Variants in TUSC3 observed in about 807,000 individuals in gnomAD.
TUSC3 encodes dolichyl-diphosphooligosaccharide--protein glycosyltransferase subunit TUSC3.
Under a neutral mutation model 44.8 loss-of-function variants are expected in TUSC3, and 45 were observed. The observed-to-expected ratio is 1.00, with a 90% confidence interval of 0.79 to 1.29. TUSC3 has a LOEUF of 1.29. Among genes scored for constraint, TUSC3 ranks in the 50% most tolerant of loss-of-function variants. The pLI is 0.00. For synonymous variants in TUSC3, 212 were observed against 152.9 expected (o/e 1.39, Z -2.85); for missense variants, 519 against 437.9 (o/e 1.19, Z -1.65).
chr8:15,574,281 T>G (rs1175575340), intron 1 of TUSC3, among the ~76,000 whole-genome samples: 1 of 152,150 alleles, frequency 6.6e-6, no homozygotes, highest in African/African-American at 2.4e-5. Flanking sequence ...AGACTCCACC[T>G]TTTGCATTCT....
chr8:15,830,930 A>G, the TUSC3 span, among the ~76,000 whole-genome samples: 1 of 152,210 alleles, frequency 6.6e-6, no homozygotes, highest in African/African-American at 2.4e-5. Context: ...AAAAATTAAA[A>G]AGGAAGCCAA....
At chr8:15,836,260 G>C in the TUSC3 span, among the ~76,000 whole-genome samples, 2 of 151,664 alleles carry the variant, frequency 1.3e-5, no homozygotes, top group Non-Finnish European at 1.5e-5. Context: ...TGGAATGCTT[G>C]AGGTCAGGAG....
chr8:15,587,780 A>T (rs1014754353), intron 1 of TUSC3, among the ~76,000 whole-genome samples: 3 of 151,932 alleles, frequency 2.0e-5, no homozygotes, highest in South Asian at 2.1e-4. Context: ...ACTAGTATGA[A>T]CTCATTTTTT....
At chr8:15,647,841 G>A (rs183070801) in intron 2 of TUSC3, among the ~76,000 whole-genome samples, 12 of 151,982 alleles carry the variant, frequency 7.9e-5, no homozygotes, top group Admixed American at 2.0e-4. Context: ...TCTATTTGTC[G>A]GTATCTAGTG....
At chr8:15,492,401 A>G (rs2129125941) in intron 2 of TUSC3, among the ~76,000 whole-genome samples, 1 of 152,324 alleles carries the variant, frequency 6.6e-6, no homozygotes, top group East Asian at 1.9e-4. Context: ...TATGCAATAC[A>G]GGCTTGTCTG....
intron 1 of TUSC3, among the ~76,000 whole-genome samples, chr8:15,595,980 C>A (rs1563124880): frequency 6.6e-6 from 1 of 152,118 alleles, no homozygotes; most frequent in Non-Finnish European, 1.5e-5. Flanking sequence ...CATATTTCTT[C>A]AGGACTTCAG....
intron 2 of TUSC3, among the ~76,000 whole-genome samples, chr8:15,626,116 C>CCCTGTGT (rs1374822345): frequency 3.3e-5 from 5 of 152,118 alleles, no homozygotes; most frequent in African/African-American, 1.2e-4. Flanking sequence ...GCCCCCTGTG[C>CCCTGTGT]CCTGTGTCCC....
At chr8:15,651,329 T>C (rs565373735) in intron 3 of TUSC3, among the ~76,000 whole-genome samples, 3 of 152,352 alleles carry the variant, frequency 2.0e-5, no homozygotes, top group East Asian at 1.9e-4. Flanking sequence ...TGTTATTTTT[T>C]CCAATGTGGC....
intron 1 of TUSC3, among the ~76,000 whole-genome samples, chr8:15,588,795 A>G (rs74799643): frequency 0.029 from 4,430 of 152,150 alleles, 187 homozygotes; most frequent in African/African-American, 0.088. Flanking sequence ...TCCCCGCACT[A>G]TTTATTGAAG....
chr8:15,587,899 C>T (rs1324326403), intron 1 of TUSC3, among the ~76,000 whole-genome samples: 1 of 152,032 alleles, frequency 6.6e-6, no homozygotes, highest in Non-Finnish European at 1.5e-5. Flanking sequence ...GACAGGATTT[C>T]ATCTTTAATA....
chr8:15,780,620 A>AG, the TUSC3 span, among the ~76,000 whole-genome samples: 1 of 152,118 alleles, frequency 6.6e-6, no homozygotes, highest in African/African-American at 2.4e-5. Context: ...TGCATCAGAG[A>AG]GCTAATGTGG....
intron 1 of TUSC3, among the ~76,000 whole-genome samples, chr8:15,570,265 TACACACAC>T (rs3070896): frequency 0.012 from 1,816 of 148,158 alleles, 15 homozygotes; most frequent in Non-Finnish European, 0.018. Flanking sequence ...TAATGTATTT[TACACACAC>T]ACACACACAC....
At chr8:15,683,760 G>A (rs1163570076) in intron 6 of TUSC3, among the ~76,000 whole-genome samples, 5 of 152,082 alleles carry the variant, frequency 3.3e-5, no homozygotes, top group Non-Finnish European at 5.9e-5. Flanking sequence ...GAAGGAACTG[G>A]TGCTTCTTTT....
chr8:15,551,478 G>A (rs899738650), intron 1 of TUSC3, among the ~76,000 whole-genome samples: 4 of 151,626 alleles, frequency 2.6e-5, no homozygotes, highest in African/African-American at 9.7e-5. Context: ...TTCGTGGGGG[G>A]TAACAAAAAC....
chr8:15,647,377 G>C (rs1806679584), intron 2 of TUSC3, among the ~76,000 whole-genome samples: 1 of 152,044 alleles, frequency 6.6e-6, no homozygotes, highest in African/African-American at 2.4e-5. Context: ...TTTGAACCTT[G>C]TCTCTTATGT....
Position 15,558,396 on chromosome 8 carries a change from G to A in TUSC3, c.138+17828G>A, listed in dbSNP as rs1277442862. ...GGATAAGCTTTTTGATGTGCTGCTGGATTCGTTTTGCCAGTATTTTATTGA... is the reference window on the plus strand; with the variant it reads ...GGATAAGCTTTTTGATGTGCTGCTGAATTCGTTTTGCCAGTATTTTATTGA... On this transcript the variant is annotated intron_variant, in intron 1 of 10. Coordinates refer to ENST00000503731, the MANE Select transcript of TUSC3 (RefSeq NM_006765.4). 7.3e-5 allele frequency among the ~76,000 whole-genome samples: 4 copies of A among 54,894 alleles called. 1 individual carries two copies. Among genetic ancestry groups the A allele is most frequent in the African/African-American group, 1.8e-4 (4 of 22,218 alleles). 36.0% of individuals were successfully genotyped at this position (54,894 alleles called of 152,430 possible).
intron 6 of TUSC3, among the ~76,000 whole-genome samples, chr8:15,697,804 G>C (rs144071354): frequency 0.035 from 5,354 of 152,204 alleles, 116 homozygotes; most frequent in Non-Finnish European, 0.05. Context: ...TTTTAGATTT[G>C]TTTTGATTTA....
intron 1 of TUSC3, among the ~76,000 whole-genome samples, chr8:15,565,140 T>C (rs1481746369): frequency 6.6e-6 from 1 of 151,792 alleles, no homozygotes; most frequent in Non-Finnish European, 1.5e-5. Flanking sequence ...GCAGGTTTGT[T>C]TCCTGCTGGA....
At position 15,555,197 on chromosome 8, in the gene TUSC3, G is replaced by A. The variant is rs1335314015; in HGVS notation, c.138+14629G>A. ...GAGATCTTACTCTGTTGTCCAGGGT[G>A]GAGTGTAGTGGTGTGATCTTGGCTT... On this transcript the variant is annotated intron_variant, in intron 1 of 10. Coordinates refer to ENST00000503731, the MANE Select transcript of TUSC3 (RefSeq NM_006765.4). 6.6e-5 allele frequency among the ~76,000 whole-genome samples: 9 copies of A among 135,356 alleles called. No homozygotes were observed. In the East Asian group the frequency reaches 1.1e-3, roughly 17 times the overall value. The allele number at this position is 135,356 out of a possible 152,430, so 88.8% of individuals were successfully genotyped here. A position where few individuals can be genotyped will look rare whatever the true frequency, so the allele number is the denominator to read the frequency against.
Sources: allele counts gnomAD v4.1 joint callset (sites outside exome capture counted in the v4.1 genomes callset), GRCh38; gene constraint gnomAD v4.1.1; transcripts MANE v1.5; gene names NCBI Gene and HGNC (gene_info 2026-07-23, HGNC 2026-07-21).